The following CELF4 variants were observed in gnomAD, a reference collection of about 807,000 sequenced individuals.
CELF4 encodes the protein CUGBP Elav-like family member 4.
Under a neutral mutation model 59.9 loss-of-function variants are expected in CELF4, and 18 were observed. That is an observed-to-expected ratio of 0.30 (90% confidence interval 0.21 to 0.45). CELF4 has a LOEUF of 0.45. Among genes scored for constraint, CELF4 ranks in the 20% least tolerant of loss-of-function variants. The pLI, the probability that CELF4 is intolerant of heterozygous loss-of-function variation, is 1.00. For synonymous variants in CELF4, 261 were observed against 267.1 expected (o/e 0.98, Z 0.22); for missense variants, 456 against 689.0 (o/e 0.66, Z 3.79).
chr18:37,297,424 C>T (rs934633504), intron 3 of CELF4, among the ~76,000 whole-genome samples: 1 of 152,178 alleles, frequency 6.6e-6, no homozygotes, highest in African/African-American at 2.4e-5. Context: ...ACGGTCCTCC[C>T]GCAGCAGCTG....
At chr18:37,299,957 T>A (rs971225558) in intron 3 of CELF4, among the ~76,000 whole-genome samples, 8 of 152,054 alleles carry the variant, frequency 5.3e-5, no homozygotes, top group Non-Finnish European at 1.2e-4. Flanking sequence ...ACCCCCACCA[T>A]CTAGACCCTC....
intron 1 of CELF4, among the ~76,000 whole-genome samples, chr18:37,519,425 C>G (rs188777700): frequency 1.3e-5 from 2 of 152,116 alleles, no homozygotes; most frequent in Admixed American, 6.5e-5. Flanking sequence ...CCTTCCTCCC[C>G]CTTCTGCAGG....
chr18:37,514,497 CTG>C (rs1488685672), intron 1 of CELF4, among the ~76,000 whole-genome samples: 1 of 152,160 alleles, frequency 6.6e-6, no homozygotes, highest in Non-Finnish European at 1.5e-5. Context: ...AGCCTGGTAT[CTG>C]ACCTCAGGGA....
intron 2 of CELF4, among the ~76,000 whole-genome samples, chr18:37,465,165 C>A (rs2099804551): frequency 6.6e-6 from 1 of 152,146 alleles, no homozygotes; most frequent in African/African-American, 2.4e-5. Flanking sequence ...GGCCTGCAAT[C>A]TTTATTGCTT....
chr18:37,302,943 G>A (rs2096160532), intron 3 of CELF4, among the ~76,000 whole-genome samples: 1 of 152,128 alleles, frequency 6.6e-6, no homozygotes, highest in Non-Finnish European at 1.5e-5. Context: ...CAGGCACAGA[G>A]GAGGGGTGGG....
chr18:37,265,679 T>C (rs1436524727), intron 9 of CELF4, among the ~76,000 whole-genome samples: 1 of 152,052 alleles, frequency 6.6e-6, no homozygotes, highest in Non-Finnish European at 1.5e-5. Flanking sequence ...CTGGCTCCCA[T>C]AGCAACAGAG....
chr18:37,394,067 T>C (rs2099205645), intron 2 of CELF4, among the ~76,000 whole-genome samples: 1 of 151,986 alleles, frequency 6.6e-6, no homozygotes, highest in South Asian at 2.1e-4. Flanking sequence ...CGCGTTCCTC[T>C]GGGCGGCGCT....
At chr18:37,565,140 T>C (rs945547534) in intron 1 of CELF4, among the ~76,000 whole-genome samples, 5 of 152,030 alleles carry the variant, frequency 3.3e-5, no homozygotes, top group African/African-American at 1.2e-4. Flanking sequence ...CATGGCATCG[T>C]TCCTATCAGC....
intron 2 of CELF4, among the ~76,000 whole-genome samples, chr18:37,412,441 G>C (rs1182415859): frequency 1.3e-5 from 2 of 152,188 alleles, no homozygotes; most frequent in African/African-American, 2.4e-5. Context: ...TGGATGGATG[G>C]ATGCATGCAT....
At chr18:37,402,964 G>A (rs1421054637) in intron 2 of CELF4, among the ~76,000 whole-genome samples, 1 of 152,216 alleles carries the variant, frequency 6.6e-6, no homozygotes, top group Non-Finnish European at 1.5e-5. Context: ...GTCCTGGCAT[G>A]CACAGGGCCC....
chr18:37,504,604 G>T (rs956221051), intron 1 of CELF4, among the ~76,000 whole-genome samples: 1 of 152,130 alleles, frequency 6.6e-6, no homozygotes, highest in Non-Finnish European at 1.5e-5. Context: ...CTTGCTGAGG[G>T]TTAAGTGAGA....
chr18:37,294,105 G>C (rs868641831), intron 3 of CELF4, among the ~76,000 whole-genome samples: 5 of 152,170 alleles, frequency 3.3e-5, no homozygotes, highest in Non-Finnish European at 5.9e-5. Context: ...TTGAATATCT[G>C]TACTTCCACT....
intron 2 of CELF4, among the ~76,000 whole-genome samples, chr18:37,395,834 G>A (rs1416727797): frequency 6.6e-6 from 1 of 152,164 alleles, no homozygotes; most frequent in Non-Finnish European, 1.5e-5. Flanking sequence ...TGGCTTTGGG[G>A]CACTCAGCTC....
intron 3 of CELF4, among the ~76,000 whole-genome samples, chr18:37,310,968 C>A (rs1347303520): frequency 3.3e-5 from 5 of 152,186 alleles, no homozygotes; most frequent in African/African-American, 7.2e-5. Context: ...GGCCGTGGTG[C>A]CTTCTCTCTG....
chr18:37,512,596 TCTC>T (rs1020679827), intron 1 of CELF4, among the ~76,000 whole-genome samples: 5 of 151,616 alleles, frequency 3.3e-5, no homozygotes, highest in African/African-American at 1.2e-4. Flanking sequence ...TCTTCCTCCT[TCTC>T]TTCTTTCTCC....
chr18:37,312,324 G>A (rs1342013008), intron 3 of CELF4, among the ~76,000 whole-genome samples: 1 of 152,094 alleles, frequency 6.6e-6, no homozygotes, highest in Non-Finnish European at 1.5e-5. Flanking sequence ...GGCCTGGCCA[G>A]TTGCTAATCT....
In CELF4 at chr18:37,496,123, C is replaced by T. The variant is rs150871910; in HGVS notation, c.287-10516G>A. On this transcript the variant is annotated intron_variant, in intron 1 of 12. Coordinates refer to ENST00000420428, the MANE Select transcript of CELF4 (RefSeq NM_020180.4). ...CATCAGATCCTCCAACCCTTTGAAC[C>T]GTGTTCAAGCTGCAGCTCCTCAGTG... 1.8e-3 allele frequency among the ~76,000 whole-genome samples: 268 copies of T among 152,300 alleles called. 1 individual carries two copies. Among genetic ancestry groups the T allele is most frequent in the East Asian group, 0.015 (78 of 5,178 alleles).
At chr18:37,521,969 G>A (rs1288271045) in intron 1 of CELF4, among the ~76,000 whole-genome samples, 3 of 152,224 alleles carry the variant, frequency 2.0e-5, no homozygotes, top group Admixed American at 2.0e-4. Flanking sequence ...CCGGGTTATA[G>A]CGGGTTACCG....
intron 2 of CELF4, among the ~76,000 whole-genome samples, chr18:37,326,358 C>T (rs1475079122): frequency 6.6e-6 from 1 of 152,170 alleles, no homozygotes; most frequent in Non-Finnish European, 1.5e-5. Context: ...CTCAGGACCC[C>T]TTTGGTGCTT....
Sources: allele counts gnomAD v4.1 joint callset (sites outside exome capture counted in the v4.1 genomes callset), GRCh38; gene constraint gnomAD v4.1.1; transcripts MANE v1.5; gene names NCBI Gene and HGNC (gene_info 2026-07-23, HGNC 2026-07-21).